The following C4orf36 variants were observed in gnomAD, a reference collection of about 807,000 sequenced individuals.
The protein encoded by C4orf36 is uncharacterized protein C4orf36.
In C4orf36, 11 loss-of-function variants were observed where a neutral mutation model predicts 12.2. That is an observed-to-expected ratio of 0.90 (90% CI 0.57 to 1.49). The LOEUF (loss-of-function observed/expected upper bound fraction) is 1.49, where lower values mean the gene tolerates loss of function less well. Among genes scored for constraint, C4orf36 ranks in the 40% most tolerant of loss-of-function variants. C4orf36 has a pLI of 0.00. For synonymous variants in C4orf36, 54 were observed against 51.3 expected, an observed-to-expected ratio of 1.05 and a Z score of -0.22; for missense variants, 137 against 133.9, an observed-to-expected ratio of 1.02 and a Z score of -0.11.
upstream of C4orf36, among the ~76,000 whole-genome samples, chr4:86,893,581 C>CAA (rs559916313): frequency 1.4e-3 from 184 of 135,356 alleles, no homozygotes; most frequent in African/African-American, 4.5e-3. Context: ...GACTCCATCT[C>CAA]AAAAAAAAAA....
At chr4:86,900,707 C>CT in the C4orf36 span, among the ~76,000 whole-genome samples, 1 of 2,942 alleles carries the variant, frequency 3.4e-4, no homozygotes, top group South Asian at 0.033. Flanking sequence ...AGAGAAGCTG[C>CT]CCGCCCATGA....
chr4:86,929,455 C>A, the C4orf36 span, among the ~76,000 whole-genome samples: 1 of 152,144 alleles, frequency 6.6e-6, no homozygotes, highest in South Asian at 2.1e-4. Context: ...GTAATTTGCT[C>A]CTTTAGGGCC....
the C4orf36 span, chr4:86,913,508 C>A: frequency 2.9e-4 from 234 of 816,748 alleles, 6 homozygotes; most frequent in South Asian, 3.1e-3. Flanking sequence ...GAACGTCCAA[C>A]CTGGAGATGA....
the C4orf36 span, chr4:86,935,073 T>G: frequency 6.6e-6 from 1 of 151,988 alleles, no homozygotes; most frequent in Admixed American, 6.6e-5. Context: ...CTGCGCGCGT[T>G]GCGGCCGCAG....
At chr4:86,876,566 C>A (rs1746933901) in intron 4 of C4orf36, 123 bp from the exon 5 acceptor site, 2 of 1,613,826 alleles carry the variant, frequency 1.2e-6, no homozygotes, top group Admixed American at 3.3e-5. Flanking sequence ...GACCTTTAGC[C>A]CATCAAAACC....
chr4:86,918,149 G>A, the C4orf36 span, among the ~76,000 whole-genome samples: 1 of 152,134 alleles, frequency 6.6e-6, no homozygotes, highest in East Asian at 1.9e-4. Flanking sequence ...ATTCATGAGG[G>A]CTATGCCCTC....
the C4orf36 span, chr4:86,914,170 C>A: frequency 6.3e-7 from 1 of 1,591,724 alleles, no homozygotes; most frequent in Non-Finnish European, 8.6e-7. Context: ...AATTTGTTCC[C>A]TAGTGGGGAC....
chr4:86,905,378 C>CCAAA, the C4orf36 span, among the ~76,000 whole-genome samples: 12 of 141,234 alleles, frequency 8.5e-5, no homozygotes, highest in Admixed American at 3.7e-4. Flanking sequence ...GACTCCATCT[C>CCAAA]GAAATAAATA....
chr4:86,892,345 C>CGCA lies in C4orf36; in HGVS notation c.-239_-237dup. 1 of 985,488 alleles carries CGCA rather than the reference C, an allele frequency of 1.0e-6. No homozygotes were observed. Among genetic ancestry groups the CGCA allele is most frequent in the Non-Finnish European group, 1.2e-6 (1 of 829,960 alleles). 61.0% of individuals were successfully genotyped at this position (985,488 alleles called of 1,614,324 possible). On this transcript the variant is annotated 5_prime_UTR_variant, in exon 1 of 5. Coordinates refer to ENST00000295898, the MANE Select transcript of C4orf36 (RefSeq NM_144645.4). ...TGAGGTAAGAGCGCGCTGCGCTAAG[C>CGCA]GCACATGGCCGCGCACACGCCTCGG... is the stretch of plus-strand genomic sequence containing the variant.
intron 2 of C4orf36, chr4:86,890,213 GGAAGGAAGGAAGGA>G (rs1747348116): frequency 6.6e-6 from 2 of 305,052 alleles, no homozygotes; most frequent in East Asian, 2.2e-4. Flanking sequence ...GAGGGAGGAA[GGAAGGAAGGAAGGA>G]AGGAAGGAAG....
chr4:86,883,140 A>C (rs561810659), intron 4 of C4orf36, among the ~76,000 whole-genome samples: 1 of 152,304 alleles, frequency 6.6e-6, no homozygotes, highest in East Asian at 1.9e-4. Flanking sequence ...CAGAGGACAG[A>C]CCACAAAATG....
chr4:86,903,419 C>T, the C4orf36 span, among the ~76,000 whole-genome samples: 1 of 152,188 alleles, frequency 6.6e-6, no homozygotes, highest in Non-Finnish European at 1.5e-5. Context: ...TCAGTCGGTT[C>T]TTGGTCTCGC....
the C4orf36 span, among the ~76,000 whole-genome samples, chr4:86,909,358 A>G: frequency 6.6e-6 from 1 of 152,166 alleles, no homozygotes; most frequent in Admixed American, 6.5e-5. Context: ...CAACTTCTCA[A>G]AAGCTTCTTT....
At chr4:86,908,218 C>CACACAG in the C4orf36 span, among the ~76,000 whole-genome samples, 1 of 148,596 alleles carries the variant, frequency 6.7e-6, no homozygotes, top group East Asian at 2.0e-4. Context: ...CACACACACA[C>CACACAG]GTTGCTGGTG....
the C4orf36 span, among the ~76,000 whole-genome samples, chr4:86,905,070 T>C: frequency 2.0e-5 from 3 of 151,954 alleles, no homozygotes; most frequent in Admixed American, 6.6e-5. Context: ...ACCCCGTCTC[T>C]ACTAAAATAT....
the C4orf36 span, among the ~76,000 whole-genome samples, chr4:86,912,012 C>A: frequency 6.6e-6 from 1 of 152,116 alleles, no homozygotes; most frequent in African/African-American, 2.4e-5. Context: ...AGGCATGTGC[C>A]ACCACACCCA....
At chr4:86,898,860 C>T in the C4orf36 span, among the ~76,000 whole-genome samples, 1 of 152,156 alleles carries the variant, frequency 6.6e-6, no homozygotes, top group Non-Finnish European at 1.5e-5. Context: ...TTCAACTGAA[C>T]TCTTCCTGAG....
rs375631792 is a variant in C4orf36, at chr4:86,880,409, GC to G, written c.*3-3967del. On this transcript the variant is annotated intron_variant, in intron 4 of 4. Coordinates refer to ENST00000295898, the MANE Select transcript of C4orf36 (RefSeq NM_144645.4). ...TTGGAGGTTGCAGTAAGCCAAGATT[GC>G]GCCACTGCACTCCAGCCTGGGTGAC... Among the ~76,000 whole-genome samples the G allele has an allele frequency of 7.6e-4, 116 of 152,132 alleles. 2 individuals are homozygous for G. The South Asian group carries it at 0.024, about 31-fold the overall frequency.
At chr4:86,914,366 C>A in the C4orf36 span, 1 of 1,222,952 alleles carries the variant, frequency 8.2e-7, no homozygotes, top group Non-Finnish European at 1.2e-6. Context: ...GAGCTTTCAC[C>A]CCCCGGCTCC....
Sources: allele counts gnomAD v4.1 joint callset (sites outside exome capture counted in the v4.1 genomes callset), GRCh38; gene constraint gnomAD v4.1.1; transcripts MANE v1.5; gene names NCBI Gene and HGNC (gene_info 2026-07-23, HGNC 2026-07-21).